DOK6: variants seen among roughly 807,000 people sequenced by gnomAD.
The protein encoded by DOK6 is downstream of tyrosine kinase 6.
Under a neutral mutation model 44.0 loss-of-function variants are expected in DOK6, and 22 were observed. The ratio of observed to expected loss-of-function variants is 0.50; its 90% CI spans 0.36 to 0.71. The LOEUF (loss-of-function observed/expected upper bound fraction) is 0.71, where lower values mean the gene tolerates loss of function less well. Among genes scored for constraint, DOK6 ranks in the 30% least tolerant of loss-of-function variants. The probability of loss-of-function intolerance (pLI) is 0.00; values close to 1 mark genes in which losing one functional copy is unlikely to be tolerated. For synonymous variants in DOK6, 166 were observed against 145.5 expected (o/e 1.14, Z -1.01); for missense variants, 340 against 416.4 (o/e 0.82, Z 1.60).
chr18:69,519,158 G>T (rs1239980673), intron 1 of DOK6, among the ~76,000 whole-genome samples: 1 of 152,000 alleles, frequency 6.6e-6, no homozygotes, highest in African/African-American at 2.4e-5. Flanking sequence ...CACAGATTTT[G>T]TATTGAGCAC....
intron 1 of DOK6, among the ~76,000 whole-genome samples, chr18:69,521,403 T>A (rs989008920): frequency 2.6e-5 from 4 of 151,544 alleles, no homozygotes; most frequent in Non-Finnish European, 5.9e-5. Context: ...AGTGTTTTTT[T>A]AGGAAGTATG....
At chr18:69,707,685 C>A (rs368631101) in intron 5 of DOK6, among the ~76,000 whole-genome samples, 1 of 152,168 alleles carries the variant, frequency 6.6e-6, no homozygotes, top group Non-Finnish European at 1.5e-5. Flanking sequence ...ACAACACTCA[C>A]ATCAAAAAAT....
rs10712475 is a variant in DOK6 at position 69,782,210 on chromosome 18, A to AT, written c.856+24356dup. Among the ~76,000 whole-genome samples, 276 of 109,086 alleles carry AT rather than the reference A, an allele frequency of 2.5e-3. 1 individual carries two copies. The highest frequency in any genetic ancestry group is 9.1e-3 in the South Asian group (31 of 3,410). 71.6% of individuals were successfully genotyped at this position (109,086 alleles called of 152,430 possible). ...AACTGGAAATTTTATGTGTTCTAAG[A>AT]TTTTTTTTTTTTTTTTTTTGAGATG... On this transcript the variant is annotated intron_variant, in intron 7 of 7. Coordinates refer to ENST00000382713, the MANE Select transcript of DOK6 (RefSeq NM_152721.6).
chr18:69,518,315 T>G (rs1022347484), intron 1 of DOK6, among the ~76,000 whole-genome samples: 4 of 152,104 alleles, frequency 2.6e-5, no homozygotes. Flanking sequence ...CTTTTTTTCC[T>G]TCTTCTGCTC....
intron 3 of DOK6, among the ~76,000 whole-genome samples, chr18:69,659,416 G>T (rs1985452179): frequency 6.6e-6 from 1 of 152,178 alleles, no homozygotes; most frequent in South Asian, 2.1e-4. Flanking sequence ...AAACTAAGAA[G>T]ATATCCAAAT....
intron 2 of DOK6, among the ~76,000 whole-genome samples, chr18:69,570,072 G>GA (rs112576407): frequency 0.023 from 3,331 of 146,928 alleles, 143 homozygotes; most frequent in African/African-American, 0.077. Context: ...GAGGTTTCAG[G>GA]AAAAAAAAAA....
chr18:69,807,101 A>G (rs1024522595), intron 7 of DOK6, among the ~76,000 whole-genome samples: 1 of 151,918 alleles, frequency 6.6e-6, no homozygotes, highest in Non-Finnish European at 1.5e-5. Context: ...AGTAGTTCTT[A>G]GCGTGTGGGC....
chr18:69,463,927 G>A (rs1347832200), intron 1 of DOK6, among the ~76,000 whole-genome samples: 1 of 152,118 alleles, frequency 6.6e-6, no homozygotes, highest in Non-Finnish European at 1.5e-5. Flanking sequence ...TGTAATCACT[G>A]TAATTACTGC....
chr18:69,841,170 A>G, intron 7 of DOK6, 74 bp from the exon 8 acceptor site: 1 of 1,564,390 alleles, frequency 6.4e-7, no homozygotes, highest in South Asian at 1.1e-5. Context: ...TAGATAATAG[A>G]TAGATGATAG....
chr18:69,418,717 C>T (rs1353835511), intron 1 of DOK6, among the ~76,000 whole-genome samples: 1 of 152,044 alleles, frequency 6.6e-6, no homozygotes, highest in African/African-American at 2.4e-5. Context: ...AGCAATCCTC[C>T]TGCCTCAGCC....
At chr18:69,440,507 A>C (rs1157082373) in intron 1 of DOK6, among the ~76,000 whole-genome samples, 5 of 152,184 alleles carry the variant, frequency 3.3e-5, no homozygotes, top group African/African-American at 1.2e-4. Flanking sequence ...AGGCATTCGG[A>C]GTAGCCATGA....
At chr18:69,683,384 A>T (rs1446065808) in intron 4 of DOK6, among the ~76,000 whole-genome samples, 1 of 152,228 alleles carries the variant, frequency 6.6e-6, no homozygotes. Context: ...ATAACTTAGA[A>T]TGTGAATTTA....
chr18:69,738,940 T>C (rs373514328), intron 5 of DOK6, 25 bp from the exon 6 acceptor site: 33 of 1,612,698 alleles, frequency 2.0e-5, no homozygotes, highest in Admixed American at 3.3e-5. Context: ...GAGACCCATC[T>C]CTTTCCCTAT....
chr18:69,604,862 C>G (rs754718837), intron 3 of DOK6, among the ~76,000 whole-genome samples: 2 of 151,982 alleles, frequency 1.3e-5, no homozygotes, highest in East Asian at 3.9e-4. Flanking sequence ...AACAAGAAAT[C>G]CACTTTCATT....
At chr18:69,726,724 A>T (rs1223213131) in intron 5 of DOK6, among the ~76,000 whole-genome samples, 1 of 151,944 alleles carries the variant, frequency 6.6e-6, no homozygotes, top group African/African-American at 2.4e-5. Flanking sequence ...GAGGCCTAAG[A>T]GCAAGATGCC....
At chr18:69,562,441 C>T (rs190655255) in intron 1 of DOK6, among the ~76,000 whole-genome samples, 127 of 152,164 alleles carry the variant, frequency 8.3e-4, no homozygotes, top group Middle Eastern at 3.4e-3. Context: ...TGTAGCCTTG[C>T]AGTATAGTTT....
chr18:69,593,307 G>A (rs927869074), intron 2 of DOK6, among the ~76,000 whole-genome samples: 1 of 151,978 alleles, frequency 6.6e-6, no homozygotes. Context: ...AGGAGTTTGA[G>A]GCTGCAGTGA....
chr18:69,643,493 G>A (rs891944390), intron 3 of DOK6, among the ~76,000 whole-genome samples: 1 of 152,094 alleles, frequency 6.6e-6, no homozygotes, highest in African/African-American at 2.4e-5. Flanking sequence ...CATTTTAAAT[G>A]TTATGTAAAT....
chr18:69,568,457 A>G (rs138149939), intron 2 of DOK6, among the ~76,000 whole-genome samples: 127 of 152,312 alleles, frequency 8.3e-4, no homozygotes, highest in Middle Eastern at 3.4e-3. Context: ...GTCATTTTGG[A>G]GGAAAGTCAG....
Sources: allele counts gnomAD v4.1 joint callset (sites outside exome capture counted in the v4.1 genomes callset), GRCh38; gene constraint gnomAD v4.1.1; transcripts MANE v1.5; gene names NCBI Gene and HGNC (gene_info 2026-07-23, HGNC 2026-07-21).